The following LRRTM4 variants were observed in gnomAD, a reference collection of about 807,000 sequenced individuals.
The protein encoded by LRRTM4 is leucine-rich repeat transmembrane neuronal protein 4.
A neutral mutation model predicts 47.6 loss-of-function variants in LRRTM4; 25 were observed. The ratio of observed to expected loss-of-function variants is 0.53; its 90% CI spans 0.38 to 0.73. The LOEUF is 0.73. LRRTM4 is among the 30% of genes least tolerant of loss of function. The pLI is 0.00. For missense variants in LRRTM4, 638 were observed against 713.4 expected, an observed-to-expected ratio of 0.89 and a Z score of 1.20; for synonymous variants, 311 against 269.5, an observed-to-expected ratio of 1.15 and a Z score of -1.51.
chr2:77,287,313 T>G (rs1676693087), intron 3 of LRRTM4, among the ~76,000 whole-genome samples: 5 of 152,050 alleles, frequency 3.3e-5, no homozygotes, highest in Admixed American at 3.3e-4. Flanking sequence ...ATGACAGTCC[T>G]AAAACAACAG....
intron 3 of LRRTM4, among the ~76,000 whole-genome samples, chr2:77,341,621 A>G (rs1671376708): frequency 6.6e-6 from 1 of 152,088 alleles, no homozygotes; most frequent in South Asian, 2.1e-4. Flanking sequence ...AAGAGAATGG[A>G]TTCAGTAACT....
chr2:77,333,694 A>G (rs1671054245), intron 3 of LRRTM4, among the ~76,000 whole-genome samples: 1 of 152,160 alleles, frequency 6.6e-6, no homozygotes, highest in African/African-American at 2.4e-5. Context: ...CTCAAGGAGA[A>G]CTTCTGCTAG....
chr2:77,210,388 C>T (rs1289822626), intron 3 of LRRTM4, among the ~76,000 whole-genome samples: 1 of 152,108 alleles, frequency 6.6e-6, no homozygotes, highest in African/African-American at 2.4e-5. Flanking sequence ...GAATAAAATC[C>T]TTTAAAATAA....
intron 3 of LRRTM4, among the ~76,000 whole-genome samples, chr2:76,794,236 A>G (rs1298419694): frequency 6.6e-6 from 1 of 152,196 alleles, no homozygotes; most frequent in Non-Finnish European, 1.5e-5. Flanking sequence ...TTGTTAGATT[A>G]CCTGATTGTT....
intron 3 of LRRTM4, among the ~76,000 whole-genome samples, chr2:76,885,806 G>C (rs1010579483): frequency 3.9e-5 from 6 of 152,018 alleles, no homozygotes; most frequent in African/African-American, 1.4e-4. Context: ...ATTGTCACCA[G>C]CCTGTGGGAA....
chr2:77,329,632 A>C (rs1473929955), intron 3 of LRRTM4, among the ~76,000 whole-genome samples: 1 of 152,076 alleles, frequency 6.6e-6, no homozygotes, highest in African/African-American at 2.4e-5. Context: ...CCTGGACTGA[A>C]GGTGCTCAGG....
chr2:76,963,183 T>C (rs866359233), intron 3 of LRRTM4, among the ~76,000 whole-genome samples: 1 of 151,126 alleles, frequency 6.6e-6, no homozygotes, highest in Middle Eastern at 3.4e-3. Flanking sequence ...TTAATTCTTA[T>C]TCCTGAAAGA....
At chr2:77,347,492 A>G (rs1367473399) in intron 3 of LRRTM4, among the ~76,000 whole-genome samples, 1 of 152,166 alleles carries the variant, frequency 6.6e-6, no homozygotes, top group Non-Finnish European at 1.5e-5. Context: ...GTAGAACACT[A>G]TATTACAGTA....
intron 3 of LRRTM4, among the ~76,000 whole-genome samples, chr2:76,953,799 G>A (rs762787761): frequency 6.6e-6 from 1 of 151,912 alleles, no homozygotes; most frequent in African/African-American, 2.4e-5. Context: ...GACTGTTTGA[G>A]GTACTGATTA....
At chr2:77,521,012 A>G (rs1365157062) in intron 2 of LRRTM4, among the ~76,000 whole-genome samples, 2 of 150,866 alleles carry the variant, frequency 1.3e-5, no homozygotes, top group Admixed American at 6.6e-5. Context: ...TCTAAAACCC[A>G]TCCTTCTTCT....
chr2:77,308,753 GT>G (rs943139241), intron 3 of LRRTM4, among the ~76,000 whole-genome samples: 7 of 135,774 alleles, frequency 5.2e-5, no homozygotes, highest in Non-Finnish European at 1.6e-5. Context: ...AAATTGTTTT[GT>G]TTTCTTTTTT....
intron 3 of LRRTM4, among the ~76,000 whole-genome samples, chr2:77,345,313 G>A (rs1671522962): frequency 1.3e-5 from 2 of 151,710 alleles, no homozygotes; most frequent in South Asian, 4.1e-4. Context: ...TTTTATCAAA[G>A]CTCAAAATTT....
At chr2:76,775,283 T>C (rs1488011880) in intron 3 of LRRTM4, among the ~76,000 whole-genome samples, 2 of 152,198 alleles carry the variant, frequency 1.3e-5, no homozygotes, top group African/African-American at 4.8e-5. Context: ...ATCATGGTTA[T>C]CTTCCACAAC....
chr2:77,311,354 T>C (rs1298148766), intron 3 of LRRTM4, among the ~76,000 whole-genome samples: 2 of 152,192 alleles, frequency 1.3e-5, no homozygotes, highest in Non-Finnish European at 2.9e-5. Flanking sequence ...GGAGGAATTA[T>C]TTAATTTAAG....
intron 3 of LRRTM4, among the ~76,000 whole-genome samples, chr2:76,750,173 T>A (rs952733740): frequency 6.6e-6 from 1 of 152,254 alleles, no homozygotes; most frequent in Non-Finnish European, 1.5e-5. Context: ...ATTCTGGCTA[T>A]ATCAATTTAT....
At chr2:76,968,639 G>A (rs907091714) in intron 3 of LRRTM4, among the ~76,000 whole-genome samples, 1 of 151,518 alleles carries the variant, frequency 6.6e-6, no homozygotes. Context: ...AGAGAAGAGG[G>A]AAATGTATGG....
intron 3 of LRRTM4, among the ~76,000 whole-genome samples, chr2:77,500,885 A>C (rs1459156295): frequency 6.6e-6 from 1 of 151,544 alleles, no homozygotes; most frequent in Non-Finnish European, 1.5e-5. Context: ...GAAAATGTCC[A>C]AGATATATTG....
intron 3 of LRRTM4, among the ~76,000 whole-genome samples, chr2:77,021,509 A>G (rs956499574): frequency 2.0e-5 from 3 of 152,210 alleles, no homozygotes; most frequent in Non-Finnish European, 4.4e-5. Flanking sequence ...TGATGCAAGC[A>G]AAAACGTGAT....
chr2:77,366,884 C>T (rs979646174), intron 3 of LRRTM4, among the ~76,000 whole-genome samples: 16 of 151,808 alleles, frequency 1.1e-4, no homozygotes, highest in Non-Finnish European at 2.4e-4. Context: ...TTTAGCCCCC[C>T]ATCTGTCTGT....
Sources: allele counts gnomAD v4.1 joint callset (sites outside exome capture counted in the v4.1 genomes callset), GRCh38; gene constraint gnomAD v4.1.1; transcripts MANE v1.5; gene names NCBI Gene and HGNC (gene_info 2026-07-23, HGNC 2026-07-21).